The following ILRUN variants were observed in gnomAD, a reference collection of about 807,000 sequenced individuals.
ILRUN encodes protein ILRUN.
ILRUN carries 3 observed loss-of-function variants against 33.8 expected under a neutral mutation model. The ratio of observed to expected loss-of-function variants is 0.09; its 90% CI spans 0.04 to 0.23. ILRUN has a LOEUF of 0.23. Among genes scored for constraint, ILRUN ranks in the 10% least tolerant of loss-of-function variants. The pLI is 1.00. For missense variants in ILRUN, 210 were observed against 375.1 expected (o/e 0.56, Z 3.64); for synonymous variants, 124 against 138.9 (o/e 0.89, Z 0.75).
chr6:34,635,070 T>TCAA (rs10657260), intron 3 of ILRUN, among the ~76,000 whole-genome samples: 4 of 151,732 alleles, frequency 2.6e-5, no homozygotes, highest in African/African-American at 7.3e-5. Context: ...CAAATAAGGC[T>TCAA]GTCAGAAATA....
chr6:34,683,505 T>TATACAC, intron 1 of ILRUN, among the ~76,000 whole-genome samples: 1 of 101,564 alleles, frequency 9.8e-6, no homozygotes, highest in Non-Finnish European at 1.8e-5. Context: ...TATACATATA[T>TATACAC]ATATATATAC....
chr6:34,641,477 C>T (rs1281931020), intron 3 of ILRUN, among the ~76,000 whole-genome samples: 1 of 152,158 alleles, frequency 6.6e-6, no homozygotes, highest in Non-Finnish European at 1.5e-5. Context: ...GGTTGGCAAA[C>T]TATACCCCAC....
intron 1 of ILRUN, among the ~76,000 whole-genome samples, chr6:34,670,372 A>ATTTTTT (rs1445795803): frequency 6.6e-6 from 1 of 152,214 alleles, no homozygotes; most frequent in Non-Finnish European, 1.5e-5. Flanking sequence ...AAACTTACTA[A>ATTTTTT]AAATCACTGA....
At chr6:34,648,901 T>C (rs1762608397) in intron 2 of ILRUN, among the ~76,000 whole-genome samples, 1 of 152,210 alleles carries the variant, frequency 6.6e-6, no homozygotes. Flanking sequence ...CAAGACTGCA[T>C]GTGAAAAAGA....
chr6:34,650,470 G>C (rs1424036469), intron 2 of ILRUN, among the ~76,000 whole-genome samples: 1 of 149,090 alleles, frequency 6.7e-6, no homozygotes, highest in Non-Finnish European at 1.5e-5. Flanking sequence ...AGTCTCTGCC[G>C]CCCAGGCTGG....
At chr6:34,674,077 G>C (rs1379516706) in intron 1 of ILRUN, among the ~76,000 whole-genome samples, 2 of 152,134 alleles carry the variant, frequency 1.3e-5, no homozygotes, top group Admixed American at 1.3e-4. Context: ...ACCCACGCTG[G>C]AGGGCAGTGG....
intron 1 of ILRUN, among the ~76,000 whole-genome samples, chr6:34,689,925 C>G (rs1178761240): frequency 6.6e-6 from 1 of 151,896 alleles, no homozygotes; most frequent in Non-Finnish European, 1.5e-5. Flanking sequence ...CTGAAGATAC[C>G]TGCAGGCAAC....
At chr6:34,601,701 AC>A (rs762784252) in intron 4 of ILRUN, among the ~76,000 whole-genome samples, 1 of 145,652 alleles carries the variant, frequency 6.9e-6, no homozygotes, top group Non-Finnish European at 1.5e-5. Flanking sequence ...CTCCTCCAGT[AC>A]CCGCCCCCCC....
intron 1 of ILRUN, among the ~76,000 whole-genome samples, chr6:34,657,313 A>G (rs760147488): frequency 6.6e-6 from 1 of 152,198 alleles, no homozygotes; most frequent in African/African-American, 2.4e-5. Context: ...TCTCATCCCC[A>G]GCTTGTGTCA....
At chr6:34,601,356 G>A (rs1348150317) in intron 4 of ILRUN, among the ~76,000 whole-genome samples, 2 of 152,184 alleles carry the variant, frequency 1.3e-5, no homozygotes, top group African/African-American at 4.8e-5. Flanking sequence ...AAGTTACACC[G>A]ATTTTCCATC....
chr6:34,660,950 A>C (rs1762874553), intron 1 of ILRUN, among the ~76,000 whole-genome samples: 1 of 152,246 alleles, frequency 6.6e-6, no homozygotes, highest in South Asian at 2.1e-4. Flanking sequence ...ACTAGTAAAA[A>C]GAATTTGTGG....
At chr6:34,642,620 G>A (rs1040306392) in intron 3 of ILRUN, among the ~76,000 whole-genome samples, 21 of 152,146 alleles carry the variant, frequency 1.4e-4, no homozygotes, top group Middle Eastern at 3.4e-3. Flanking sequence ...AAGAGCAAAG[G>A]TCATGGCAAC....
At chr6:34,635,402 C>T (rs1208184885) in intron 3 of ILRUN, among the ~76,000 whole-genome samples, 1 of 151,964 alleles carries the variant, frequency 6.6e-6, no homozygotes, top group East Asian at 1.9e-4. Flanking sequence ...ATGACGCGTG[C>T]CTGTAATCCC....
chr6:34,640,217 G>A (rs1424882105), intron 3 of ILRUN, among the ~76,000 whole-genome samples: 1 of 151,992 alleles, frequency 6.6e-6, no homozygotes, highest in Non-Finnish European at 1.5e-5. Flanking sequence ...GAGGCCAGAG[G>A]TCTTGTAATA....
chr6:34,626,031 T>C (rs1219665121), intron 3 of ILRUN, among the ~76,000 whole-genome samples: 1 of 151,956 alleles, frequency 6.6e-6, no homozygotes, highest in Non-Finnish European at 1.5e-5. Flanking sequence ...TTTGTATTTT[T>C]AGTAGGGACG....
At chr6:34,653,756 T>C (rs1400207753) in intron 2 of ILRUN, among the ~76,000 whole-genome samples, 1 of 151,942 alleles carries the variant, frequency 6.6e-6, no homozygotes, top group East Asian at 1.9e-4. Flanking sequence ...GAGGATAGCT[T>C]GAGCCCAAGA....
chr6:34,605,318 C>CAAAAAAAAAAAAAAA (rs78612898), intron 4 of ILRUN, among the ~76,000 whole-genome samples: 17 of 74,116 alleles, frequency 2.3e-4, no homozygotes, highest in East Asian at 1.4e-3. Flanking sequence ...AAAACAAAAA[C>CAAAAAAAAAAAAAAA]AAAAAAAAAA....
chr6:34,596,977 C>T (rs1382038773), intron 4 of ILRUN, among the ~76,000 whole-genome samples: 4 of 152,082 alleles, frequency 2.6e-5, no homozygotes, highest in Non-Finnish European at 4.4e-5. Context: ...TCCCTCCATC[C>T]TTCCTCTATC....
In ILRUN at chr6:34,641,093, A is replaced by C. The variant is rs924110232; in HGVS notation, c.511+5508T>G. 8.0e-4 allele frequency among the ~76,000 whole-genome samples: 122 copies of C among 151,648 alleles called. 3 individuals are homozygous for C. Among genetic ancestry groups the C allele is most frequent in the Admixed American group, 7.9e-3 (121 of 15,248 alleles). On this transcript the variant is annotated intron_variant, in intron 3 of 4. Transcript: ENST00000374023. ...GACTCCATCTCAAAAAAAAAAAAAA[A>C]AAAACAAATTATAGAAACAACCACC...
Sources: gnomAD v4.1 joint callset for allele counts (sites outside exome capture counted in the v4.1 genomes callset) on GRCh38, gnomAD v4.1.1 for gene constraint, MANE v1.5 for transcripts, NCBI Gene and HGNC (gene_info 2026-07-23, HGNC 2026-07-21) for gene names.